The following LDHC variants were observed in gnomAD, a reference collection of about 807,000 sequenced individuals.
The protein encoded by LDHC is L-lactate dehydrogenase C chain.
Under a neutral mutation model 30.2 loss-of-function variants are expected in LDHC, and 20 were observed. That is an observed-to-expected ratio of 0.66 (90% CI 0.47 to 0.96). The LOEUF (loss-of-function observed/expected upper bound fraction) is 0.96, where lower values mean the gene tolerates loss of function less well. Among genes scored for constraint, LDHC ranks in the 40% least tolerant of loss-of-function variants. LDHC has a pLI of 0.00. For synonymous variants in LDHC, 139 were observed against 132.7 expected (o/e 1.05, Z -0.32); for missense variants, 362 against 394.9 (o/e 0.92, Z 0.71).
At chr11:18,436,449 A>T (rs1848353972) in intron 5 of LDHC, among the ~76,000 whole-genome samples, 1 of 150,064 alleles carries the variant, frequency 6.7e-6, no homozygotes, top group Admixed American at 6.7e-5. Flanking sequence ...TCAGATGATA[A>T]ATTTATTTAC....
chr11:18,428,429 A>C (rs1848203019), intron 3 of LDHC, among the ~76,000 whole-genome samples: 1 of 151,506 alleles, frequency 6.6e-6, no homozygotes, highest in African/African-American at 2.4e-5. Context: ...AAAGTGTTAG[A>C]ATTACAGGTG....
At chr11:18,429,691 G>C (rs761512467) in intron 3 of LDHC, 46 bp from the exon 4 acceptor site, 6 of 1,170,380 alleles carry the variant, frequency 5.1e-6, no homozygotes, top group Non-Finnish European at 7.5e-6. Flanking sequence ...AGGCACAGTG[G>C]TTATGGTAAT....
At chr11:18,448,056 A>G in intron 7 of LDHC, among the ~76,000 whole-genome samples, 1 of 151,394 alleles carries the variant, frequency 6.6e-6, no homozygotes, top group Admixed American at 6.6e-5. Flanking sequence ...CTCAAAAAAA[A>G]AAAAAAAAAA....
intron 4 of LDHC, among the ~76,000 whole-genome samples, chr11:18,432,597 T>G (rs1343502096): frequency 6.6e-6 from 1 of 152,222 alleles, no homozygotes; most frequent in Non-Finnish European, 1.5e-5. Context: ...GCTGTCTGTC[T>G]TATTTCTTAG....
In LDHC at chr11:18,415,309, T is replaced by C; in HGVS notation, c.244+8T>C. ...AGATTACTTCTGGAAAAGGTTAATT[T>C]TAGTTTTATAAAGTTATTTTCAAAG... On this transcript the variant is annotated splice_region_variant and intron_variant, in intron 3 of 7. Transcript: ENST00000541669. The C allele has an allele frequency of 7.2e-7, 1 of 1,389,970 alleles. No homozygotes were observed. The highest frequency in any genetic ancestry group is 1.0e-6 in the Non-Finnish European group (1 of 987,000). The allele number at this position is 1,389,970 out of a possible 1,614,324, so 86.1% of individuals were successfully genotyped here.
chr11:18,438,939 A>G (rs1257618120), intron 6 of LDHC, among the ~76,000 whole-genome samples: 2 of 152,206 alleles, frequency 1.3e-5, no homozygotes, highest in Non-Finnish European at 2.9e-5. Flanking sequence ...ATCATTTATT[A>G]GTGATATGAT....
At chr11:18,431,531 G>A (rs529825212) in intron 4 of LDHC, among the ~76,000 whole-genome samples, 19 of 152,172 alleles carry the variant, frequency 1.2e-4, no homozygotes, top group African/African-American at 3.9e-4. Flanking sequence ...CATTGTGTGT[G>A]TTTTTGTTTT....
intron 6 of LDHC, among the ~76,000 whole-genome samples, chr11:18,440,791 CATG>C (rs34109624): frequency 0.74 from 112,164 of 151,290 alleles, 41,778 homozygotes; most frequent in East Asian, 0.89. Context: ...ATTAGCCAGG[CATG>C]GTGGTATGTC....
intron 5 of LDHC, among the ~76,000 whole-genome samples, chr11:18,437,676 C>T (rs1019907700): frequency 2.0e-4 from 30 of 150,586 alleles, no homozygotes; most frequent in South Asian, 1.5e-3. Flanking sequence ...GGCGTGAACC[C>T]GGGAGGTGGA....
rs1590239489 is a variant in LDHC at position 18,451,458 on chromosome 11, C to T, written c.*331C>T. The T allele has an allele frequency of 6.3e-6, 1 of 158,938 alleles. No homozygotes were observed. The highest frequency in any genetic ancestry group is 6.5e-5 in the Admixed American group (1 of 15,424). 9.8% of individuals were successfully genotyped at this position (158,938 alleles called of 1,614,324 possible). ...GCTTTGATTCTTTTCACAAACCAAG[C>T]CCTTTTTCTAGTATTACAATTTTAT... On this transcript the variant is annotated 3_prime_UTR_variant, in exon 8 of 8. Transcript: ENST00000541669.
Position 18,415,283 on chromosome 11 carries a change from A to G in LDHC, c.226A>G (p.Lys76Glu). Reference protein sequence around the residue: ...QHGSLFFSTSKITSGKDYSVS... With the variant: ...QHGSLFFSTSEITSGKDYSVS... ...TGGCAGTCTTTTCTTTAGTACTTCAAAGATTACTTCTGGAAAAGGTTAATT... is the reference window on the plus strand; with the variant it reads ...TGGCAGTCTTTTCTTTAGTACTTCAGAGATTACTTCTGGAAAAGGTTAATT... The change falls in exon 3 of 8, where the codon AAG becomes GAG. Residue 76 changes from lysine (K) to glutamate (E), a missense_variant. Coordinates refer to ENST00000541669, the MANE Select transcript of LDHC (RefSeq NM_017448.5). The G allele has an allele frequency of 1.9e-6, 3 of 1,557,138 alleles. No individual in the cohort carries two copies. Among genetic ancestry groups the G allele is most frequent in the Non-Finnish European group, 2.7e-6 (3 of 1,131,886 alleles).
In LDHC at chr11:18,429,743, G is replaced by C; in HGVS notation, c.251G>C (p.Ser84Thr). The change falls in exon 4 of 8, where the codon AGT becomes ACT. Residue 84 changes from serine to threonine, a missense_variant. By Grantham distance (58) the Ser-to-Thr change is moderately conservative. Coordinates refer to ENST00000541669, the MANE Select transcript of LDHC (RefSeq NM_017448.5). ...TATTTTGTTTCCTTTTTAGATTACA[G>C]TGTATCTGCAAACTCCAGAATAGTT... ...TSKITSGKDY[S>T]VSANSRIVIV... 2 of 1,596,828 alleles carry C rather than the reference G, an allele frequency of 1.3e-6. No homozygotes were observed. Among genetic ancestry groups the C allele is most frequent in the Non-Finnish European group, 8.6e-7 (1 of 1,167,310 alleles).
chr11:18,449,823 T>C (rs12289603), intron 7 of LDHC, among the ~76,000 whole-genome samples: 28,041 of 152,194 alleles, frequency 0.18, 3,357 homozygotes, highest in African/African-American at 0.34. Context: ...GGCTGAATAG[T>C]GCCCATGGGC....
rs1383332067 is a variant in LDHC, at chr11:18,432,379, A to G, written c.419-2361A>G. Among the ~76,000 whole-genome samples the G allele has an allele frequency of 3.3e-5, 5 of 152,198 alleles. No homozygotes were observed. In the East Asian group the frequency reaches 9.6e-4, roughly 29 times the overall value. On this transcript the variant is annotated intron_variant, in intron 4 of 7. Transcript: ENST00000541669. ...TTTATTGAGGCTCATTTTATGGCCT[A>G]TCATATGGTCTGTCTTGGAGAAAGT...
intron 3 of LDHC, among the ~76,000 whole-genome samples, chr11:18,429,422 T>G (rs2134058022): frequency 6.6e-6 from 1 of 152,258 alleles, no homozygotes; most frequent in South Asian, 2.1e-4. Context: ...CATTTTGGTG[T>G]TTCTAAGAAG....
At chr11:18,424,116 G>T (rs983521979) in intron 3 of LDHC, among the ~76,000 whole-genome samples, 1 of 152,206 alleles carries the variant, frequency 6.6e-6, no homozygotes, top group African/African-American at 2.4e-5. Context: ...CGGGTGCGGT[G>T]GCTCACGCCT....
At chr11:18,442,660 C>CTTTTTTTTTTTTTTTTTTTTTTTTT (rs34884188) in intron 6 of LDHC, among the ~76,000 whole-genome samples, 1 of 112,626 alleles carries the variant, frequency 8.9e-6, no homozygotes. Flanking sequence ...TTCTCTCTCT[C>CTTTTTTTTTTTTTTTTTTTTTTTTT]TTTTTTTTTT....
chr11:18,432,961 A>G (rs930935692), intron 4 of LDHC, among the ~76,000 whole-genome samples: 1 of 152,192 alleles, frequency 6.6e-6, no homozygotes, highest in African/African-American at 2.4e-5. Flanking sequence ...CAGTGTTAGT[A>G]TTGAAATGCA....
At chr11:18,412,639 GC>G in intron 1 of LDHC, 69 bp from the exon 2 acceptor site, 1 of 1,404,614 alleles carries the variant, frequency 7.1e-7, no homozygotes, top group Non-Finnish European at 9.8e-7. Flanking sequence ...CCAACATTCT[GC>G]AAACTGAAGA....
Sources: allele counts gnomAD v4.1 joint callset (sites outside exome capture counted in the v4.1 genomes callset), GRCh38; gene constraint gnomAD v4.1.1; transcripts MANE v1.5; gene names NCBI Gene and HGNC (gene_info 2026-07-23, HGNC 2026-07-21).